PHF3: variants seen among roughly 807,000 people sequenced by gnomAD.
The protein encoded by PHF3 is PHD finger protein 3.
Under a neutral mutation model 178.4 loss-of-function variants are expected in PHF3, and 41 were observed. That is an observed-to-expected ratio of 0.23 (90% confidence interval 0.18 to 0.30). PHF3 has a LOEUF of 0.30. PHF3 is among the 10% of genes least tolerant of loss of function. PHF3 has a pLI of 1.00. For synonymous variants in PHF3, 842 were observed against 800.5 expected, an observed-to-expected ratio of 1.05 and a Z score of -0.88; for missense variants, 2,346 against 2,398.1, an observed-to-expected ratio of 0.98 and a Z score of 0.45.
rs565840436 is a variant in PHF3 at position 63,699,172 on chromosome 6, G to A, written c.2982+567G>A. ...ATGTTTTGGACAGAGGAAATCTAAA[G>A]GCTGTGCATGTGTGTGCGTGTATGT... On this transcript the variant is annotated intron_variant, in intron 8 of 15. Coordinates refer to ENST00000262043, the MANE Select transcript of PHF3 (RefSeq NM_001370348.2). Among the ~76,000 whole-genome samples, 7 of 152,216 alleles carry A rather than the reference G, an allele frequency of 4.6e-5. No homozygotes were observed. In the East Asian group the frequency reaches 9.7e-4, roughly 21 times the overall value.
intron 2 of PHF3, among the ~76,000 whole-genome samples, chr6:63,649,864 G>T (rs1386521049): frequency 6.6e-6 from 1 of 152,168 alleles, no homozygotes; most frequent in Non-Finnish European, 1.5e-5. Flanking sequence ...TAACAGGTTT[G>T]AGATAGTGAA....
rs1768186410 is a variant in PHF3, at chr6:63,716,243, C to T, written c.*2535C>T. Among the ~76,000 whole-genome samples the T allele has an allele frequency of 2.0e-5, 3 of 152,274 alleles. No homozygotes were observed. Among genetic ancestry groups the T allele is most frequent in the East Asian group, 1.9e-4 (1 of 5,184 alleles). On this transcript the variant is annotated 3_prime_UTR_variant, in exon 16 of 16. Coordinates refer to ENST00000262043, the MANE Select transcript of PHF3 (RefSeq NM_001370348.2). ...ACCCTGCTGTTGTCAGAGCAGGAAT[C>T]CTACCTAGCTCAGTTCTTTTCTCTA...
intron 5 of PHF3, among the ~76,000 whole-genome samples, chr6:63,693,579 C>A (rs902097814): frequency 6.6e-6 from 1 of 152,144 alleles, no homozygotes; most frequent in Non-Finnish European, 1.5e-5. Context: ...CCACTTTATT[C>A]CAGCTTGGGC....
intron 2 of PHF3, among the ~76,000 whole-genome samples, chr6:63,671,706 A>AGGGTTG (rs1416081398): frequency 6.6e-6 from 1 of 152,152 alleles, no homozygotes; most frequent in Non-Finnish European, 1.5e-5. Flanking sequence ...AGTATCTCTG[A>AGGGTTG]GGGTTGTGTT....
intron 7 of PHF3, 24 bp downstream of exon 7, chr6:63,698,391 A>C (rs1387039528): frequency 1.1e-5 from 17 of 1,581,300 alleles, no homozygotes; most frequent in Non-Finnish European, 1.5e-5. Flanking sequence ...TTATTATAGA[A>C]GTATCAATAA....
At chr6:63,702,743 A>T in intron 10 of PHF3, 104 bp downstream of exon 10, 1 of 1,148,222 alleles carries the variant, frequency 8.7e-7, no homozygotes, top group Non-Finnish European at 1.2e-6. Context: ...TAAAATATGC[A>T]TCCATTTAAA....
In PHF3 at chr6:63,684,913, A is replaced by G; in HGVS notation, c.1191A>G (p.Glu397=). The change falls in exon 4 of 16, where the codon GAA becomes GAG. Residue 397 remains glutamate (E), a synonymous_variant. Transcript: ENST00000262043. ...TENTLERNKI[E]PLGYCEDAES... ...ACACCCTTGAAAGAAATAAAATTGA[A>G]CCGTTGGGTTATTGTGAAGATGCGG... The G allele has an allele frequency of 1.9e-6, 3 of 1,613,974 alleles. No homozygotes were observed. The highest frequency in any genetic ancestry group is 2.5e-6 in the Non-Finnish European group (3 of 1,179,954).
chr6:63,683,511 G>A (rs1766532266), intron 3 of PHF3, among the ~76,000 whole-genome samples: 1 of 151,886 alleles, frequency 6.6e-6, no homozygotes, highest in Non-Finnish European at 1.5e-5. Flanking sequence ...TTTAAATTGT[G>A]TTTCTTTTTT....
Position 63,720,630 on chromosome 6 carries a change from AC to A in PHF3, c.*6923del, listed in dbSNP as rs886042614. The A allele has an allele frequency of 3.3e-6, 5 of 1,510,858 alleles. No homozygotes were observed. The highest frequency in any genetic ancestry group is 4.4e-6 in the Non-Finnish European group (5 of 1,128,138). 93.6% of individuals were successfully genotyped at this position (1,510,858 alleles called of 1,614,324 possible). On this transcript the variant is annotated 3_prime_UTR_variant, in exon 16 of 16. Coordinates refer to ENST00000262043, the MANE Select transcript of PHF3 (RefSeq NM_001370348.2). ...CTCATTTTGTTCATCTCCATCATAA[AC>A]ATTGTATCCTTCTAATTTAATTAGT...
intron 2 of PHF3, among the ~76,000 whole-genome samples, chr6:63,672,953 G>A (rs1040483600): frequency 2.0e-4 from 31 of 152,050 alleles, no homozygotes; most frequent in Non-Finnish European, 2.4e-4. Context: ...CTATAAATTT[G>A]TTCTGACCAA....
chr6:63,650,278 A>C (rs889635281), intron 2 of PHF3, among the ~76,000 whole-genome samples: 1 of 152,240 alleles, frequency 6.6e-6, no homozygotes, highest in African/African-American at 2.4e-5. Flanking sequence ...TCAAGGCTGC[A>C]TTATGGCTAG....
At chr6:63,703,142 T>C (rs962286114) in intron 10 of PHF3, among the ~76,000 whole-genome samples, 33 of 152,220 alleles carry the variant, frequency 2.2e-4, no homozygotes, top group Non-Finnish European at 4.7e-4. Flanking sequence ...CCTCCCAAAG[T>C]GTGGGGATCA....
Position 63,713,386 on chromosome 6 carries a change from A to T in PHF3, c.5798A>T (p.Glu1933Val), listed in dbSNP as rs760346470. Residue 1933 changes from glutamate to valine, a missense_variant, in exon 16 of 16, where the codon GAG (glutamate) becomes GTG (valine). Glu to Val is a moderately radical substitution (Grantham distance 121). Coordinates refer to ENST00000262043, the MANE Select transcript of PHF3 (RefSeq NM_001370348.2). Reference protein sequence around the residue: ...FYSDSHHLKRERHEKEWEQES... With the variant: ...FYSDSHHLKRVRHEKEWEQES... ...AGTGATTCACACCATTTGAAAAGAGAGCGACATGAAAAGGAATGGGAGCAA... is the reference window on the plus strand; with the variant it reads ...AGTGATTCACACCATTTGAAAAGAGTGCGACATGAAAAGGAATGGGAGCAA... 6.2e-7 allele frequency: 1 copy of T among 1,614,030 alleles called. No homozygotes were observed. Among genetic ancestry groups the T allele is most frequent in the Non-Finnish European group, 8.5e-7 (1 of 1,179,964 alleles).
rs1057229819 is a variant in PHF3, at chr6:63,678,180, A to T, written c.245-1820A>T. On this transcript the variant is annotated intron_variant, in intron 2 of 15. Coordinates refer to ENST00000262043, the MANE Select transcript of PHF3 (RefSeq NM_001370348.2). ...GGAGGTTGCAGTGAGCCAAGATCGCACCACTGCACTCCAGCTTGGGCAAGA... is the reference window on the plus strand; with the variant it reads ...GGAGGTTGCAGTGAGCCAAGATCGCTCCACTGCACTCCAGCTTGGGCAAGA... Among the ~76,000 whole-genome samples the T allele has an allele frequency of 2.0e-5, 3 of 151,492 alleles. No homozygotes were observed. In the South Asian group the frequency reaches 6.3e-4, roughly 32 times the overall value.
Position 63,691,734 on chromosome 6 carries a change from C to T in PHF3, c.2190-3C>T. The T allele has an allele frequency of 1.4e-5, 22 of 1,546,752 alleles. No individual in the cohort carries two copies. Among genetic ancestry groups the T allele is most frequent in the South Asian group, 6.2e-5 (5 of 81,216 alleles). On this transcript the variant is annotated splice_region_variant and splice_polypyrimidine_tract_variant and intron_variant, in intron 4 of 15. Coordinates refer to ENST00000262043, the MANE Select transcript of PHF3 (RefSeq NM_001370348.2). ...AAAAGTTTTTTGGTGTTCTGTTTTCCAGGTTTATGGTTGGCTGTGGGAGAT... is the reference window on the plus strand; with the variant it reads ...AAAAGTTTTTTGGTGTTCTGTTTTCTAGGTTTATGGTTGGCTGTGGGAGAT...
At chr6:63,636,562 T>C (rs1351819311) in intron 1 of PHF3, 2 of 152,152 alleles carry the variant, frequency 1.3e-5, no homozygotes, top group East Asian at 3.9e-4. Flanking sequence ...ATCCGGCCGT[T>C]GGGGCCTCTT....
At chr6:63,687,015 G>T (rs1400610434) in intron 4 of PHF3, among the ~76,000 whole-genome samples, 1 of 152,166 alleles carries the variant, frequency 6.6e-6, no homozygotes, top group Non-Finnish European at 1.5e-5. Context: ...TAGCGTCAAG[G>T]GTTAGTTTAT....
At chr6:63,652,703 T>A (rs939039772) in intron 2 of PHF3, among the ~76,000 whole-genome samples, 3 of 152,168 alleles carry the variant, frequency 2.0e-5, no homozygotes, top group Admixed American at 2.0e-4. Context: ...TTGAGTTGAT[T>A]TTTGTATATG....
chr6:63,642,867 A>T (rs1288168043), intron 1 of PHF3, among the ~76,000 whole-genome samples: 1 of 152,170 alleles, frequency 6.6e-6, no homozygotes, highest in Non-Finnish European at 1.5e-5. Flanking sequence ...AGATCTGATT[A>T]TCTGTTAGCC....
Sources: gnomAD v4.1 joint callset for allele counts (sites outside exome capture counted in the v4.1 genomes callset) on GRCh38, gnomAD v4.1.1 for gene constraint, MANE v1.5 for transcripts, NCBI Gene and HGNC (gene_info 2026-07-23, HGNC 2026-07-21) for gene names.